The following CMSS1 variants were observed in gnomAD, a reference collection of about 807,000 sequenced individuals.
The protein encoded by CMSS1 is protein CMSS1.
CMSS1 carries 33 observed loss-of-function variants against 43.5 expected under a neutral mutation model. The observed-to-expected ratio is 0.76, with a 90% CI of 0.57 to 1.01. The LOEUF (loss-of-function observed/expected upper bound fraction) is 1.01. CMSS1 is among the 50% of genes least tolerant of loss of function. The pLI, the probability that CMSS1 is intolerant of heterozygous loss-of-function variation, is 0.00. For missense variants in CMSS1, 313 were observed against 326.4 expected, an observed-to-expected ratio of 0.96 and a Z score of 0.32; for synonymous variants, 115 against 117.2, an observed-to-expected ratio of 0.98 and a Z score of 0.12.
intron 1 of CMSS1, among the ~76,000 whole-genome samples, chr3:100,038,877 T>C (rs190452894): frequency 3.9e-4 from 59 of 152,214 alleles, no homozygotes; most frequent in Admixed American, 2.4e-3. Flanking sequence ...GAACATATTG[T>C]CTATATCGTA....
chr3:100,049,665 C>A (rs2065337160), intron 1 of CMSS1, among the ~76,000 whole-genome samples: 1 of 152,186 alleles, frequency 6.6e-6, no homozygotes, highest in African/African-American at 2.4e-5. Flanking sequence ...AAGAGCAACC[C>A]TTCTTCCTCC....
intron 1 of CMSS1, among the ~76,000 whole-genome samples, chr3:99,860,590 T>C (rs1278023620): frequency 6.6e-6 from 1 of 152,162 alleles, no homozygotes; most frequent in African/African-American, 2.4e-5. Context: ...GTTAGGCAGC[T>C]ACAAGGAGAA....
intron 1 of CMSS1, among the ~76,000 whole-genome samples, chr3:100,098,292 G>A (rs768341262): frequency 6.6e-6 from 1 of 152,160 alleles, no homozygotes; most frequent in Non-Finnish European, 1.5e-5. Context: ...AAAGAAACAA[G>A]CACTGTGTTT....
At chr3:100,074,753 G>T (rs1490181503) in intron 1 of CMSS1, among the ~76,000 whole-genome samples, 1 of 124,692 alleles carries the variant, frequency 8.0e-6, no homozygotes, top group Non-Finnish European at 1.6e-5. Context: ...GAGTACAATG[G>T]CACGATCTTG....
At chr3:99,896,322 G>T (rs2107620334) in intron 1 of CMSS1, among the ~76,000 whole-genome samples, 1 of 152,336 alleles carries the variant, frequency 6.6e-6, no homozygotes, top group South Asian at 2.1e-4. Flanking sequence ...AAAATTTGTT[G>T]CCCTAATGTT....
At chr3:100,013,433 C>T (rs945723565) in intron 1 of CMSS1, among the ~76,000 whole-genome samples, 3 of 149,792 alleles carry the variant, frequency 2.0e-5, no homozygotes, top group Non-Finnish European at 4.5e-5. Context: ...TAGTAGAGAC[C>T]GGGTTTCCCC....
rs1201540065 is a variant in CMSS1, at chr3:100,116,009, G to C, written c.65-30964G>C. On this transcript the variant is annotated intron_variant, in intron 1 of 9. Transcript: ENST00000421999. ...GTAGAATGTTCCTTAGTTTAGATTT[G>C]TGTGATGTTTCCTCATTGTGAGATT... Among the ~76,000 whole-genome samples the C allele has an allele frequency of 1.9e-4, 29 of 152,068 alleles. 1 individual carries two copies. Among genetic ancestry groups the C allele is most frequent in the Admixed American group, 1.9e-3 (29 of 15,258 alleles).
At chr3:99,862,220 T>C (rs1444367014) in intron 1 of CMSS1, among the ~76,000 whole-genome samples, 1 of 152,048 alleles carries the variant, frequency 6.6e-6, no homozygotes, top group African/African-American at 2.4e-5. Context: ...ATTTAAAAAA[T>C]CAAATCAAAT....
At chr3:100,043,495 A>G (rs1159464414) in intron 1 of CMSS1, among the ~76,000 whole-genome samples, 1 of 151,974 alleles carries the variant, frequency 6.6e-6, no homozygotes, top group Non-Finnish European at 1.5e-5. Flanking sequence ...GCCAGTAGGT[A>G]TTTATTATGT....
chr3:99,981,542 T>C (rs184050140), intron 1 of CMSS1, among the ~76,000 whole-genome samples: 7 of 152,312 alleles, frequency 4.6e-5, no homozygotes, highest in African/African-American at 1.7e-4. Context: ...CCTGATTTGA[T>C]CATCACACAG....
chr3:99,926,856 G>C (rs548961808), intron 1 of CMSS1, among the ~76,000 whole-genome samples: 3 of 152,256 alleles, frequency 2.0e-5, no homozygotes, highest in African/African-American at 7.2e-5. Context: ...ATGGAAAGAA[G>C]GCTAGAAGGA....
intron 1 of CMSS1, among the ~76,000 whole-genome samples, chr3:100,039,132 T>C (rs1483799904): frequency 6.6e-6 from 1 of 152,184 alleles, no homozygotes; most frequent in Non-Finnish European, 1.5e-5. Flanking sequence ...GGTATTGAAA[T>C]TATCATCATC....
intron 1 of CMSS1, chr3:99,876,218 G>A: frequency 2.4e-5 from 24 of 985,414 alleles, no homozygotes; most frequent in Non-Finnish European, 2.9e-5. Flanking sequence ...TTACGTCACT[G>A]TTCTGCCTTA....
intron 1 of CMSS1, among the ~76,000 whole-genome samples, chr3:99,826,719 A>G (rs199766534): frequency 6.6e-6 from 1 of 152,216 alleles, no homozygotes; most frequent in African/African-American, 2.4e-5. Context: ...GTTATCAGCT[A>G]TGTATTAGAC....
At chr3:100,113,549 AT>A (rs2066525549) in intron 1 of CMSS1, among the ~76,000 whole-genome samples, 1 of 152,230 alleles carries the variant, frequency 6.6e-6, no homozygotes, top group African/African-American at 2.4e-5. Flanking sequence ...TATAGTTGCC[AT>A]TTGAAAATGT....
intron 1 of CMSS1, among the ~76,000 whole-genome samples, chr3:100,144,535 C>T (rs1260557787): frequency 3.3e-5 from 5 of 152,162 alleles, no homozygotes; most frequent in Non-Finnish European, 5.9e-5. Flanking sequence ...CCAACATCAC[C>T]CTGGTAGGAG....
At chr3:99,828,637 G>A (rs113884871) in intron 1 of CMSS1, among the ~76,000 whole-genome samples, 10 of 143,214 alleles carry the variant, frequency 7.0e-5, no homozygotes, top group South Asian at 2.2e-4. Flanking sequence ...TTTTCTTTTC[G>A]GAGAGACAAG....
chr3:99,998,719 T>C (rs2107156490), intron 1 of CMSS1, among the ~76,000 whole-genome samples: 1 of 152,312 alleles, frequency 6.6e-6, no homozygotes, highest in East Asian at 1.9e-4. Context: ...CATGCCACCA[T>C]GCCCCAGCCA....
intron 1 of CMSS1, among the ~76,000 whole-genome samples, chr3:100,134,188 A>AT (rs113154926): frequency 1.0e-4 from 15 of 150,642 alleles, no homozygotes; most frequent in East Asian, 5.9e-4. Flanking sequence ...ACATTAACCT[A>AT]TTTTTTTTTA....
Sources: allele counts gnomAD v4.1 joint callset (sites outside exome capture counted in the v4.1 genomes callset), GRCh38; gene constraint gnomAD v4.1.1; transcripts MANE v1.5; gene names NCBI Gene and HGNC (gene_info 2026-07-23, HGNC 2026-07-21).